The following ZC3H12B variants were observed in gnomAD, a reference collection of about 807,000 sequenced individuals.
ZC3H12B encodes the protein probable ribonuclease ZC3H12B.
A neutral mutation model predicts 43.9 loss-of-function variants in ZC3H12B; 7 were observed. The observed-to-expected ratio is 0.16, with a 90% CI of 0.09 to 0.30. The LOEUF is 0.30. Among genes scored for constraint, ZC3H12B ranks in the 10% least tolerant of loss-of-function variants. The pLI is 1.00. For missense variants in ZC3H12B, 475 were observed against 670.2 expected (o/e 0.71, Z 3.22); for synonymous variants, 222 against 241.7 (o/e 0.92, Z 0.76).
At chrX:65,109,028 A>G in the ZC3H12B span, among the ~76,000 whole-genome samples, 1 of 111,649 alleles carries the variant, frequency 9.0e-6, no homozygotes, top group Non-Finnish European at 1.9e-5. Flanking sequence ...TGAAACGTCC[A>G]GTTTTACCAT....
chrX:65,408,009 C>T, intron 3 of ZC3H12B: 1 of 1,069,862 alleles, frequency 9.3e-7, no homozygotes, highest in Non-Finnish European at 1.2e-6. Context: ...TAATTTTCCT[C>T]GGCGGGATTA....
chrX:65,138,160 C>A, the ZC3H12B span, among the ~76,000 whole-genome samples: 2 of 112,338 alleles, frequency 1.8e-5, no homozygotes, highest in Non-Finnish European at 3.8e-5. Context: ...CTATAGTCAC[C>A]AAGTTGTATA....
the ZC3H12B span, among the ~76,000 whole-genome samples, chrX:65,260,004 A>T: frequency 9.0e-6 from 1 of 111,597 alleles, no homozygotes; most frequent in Non-Finnish European, 1.9e-5. Flanking sequence ...TCTCACTCAT[A>T]TGTAGGCGTT....
At chrX:65,154,967 G>A in the ZC3H12B span, among the ~76,000 whole-genome samples, 1 of 102,163 alleles carries the variant, frequency 9.8e-6, no homozygotes, top group Non-Finnish European at 2.0e-5. Flanking sequence ...GTTTGCTAAG[G>A]TTTTTTTTTT....
chrX:65,048,626 T>A, the ZC3H12B span, among the ~76,000 whole-genome samples: 1 of 111,285 alleles, frequency 9.0e-6, no homozygotes, highest in African/African-American at 3.3e-5. Flanking sequence ...TATATAATGA[T>A]GTTATGAGGT....
At chrX:65,269,354 A>G in the ZC3H12B span, among the ~76,000 whole-genome samples, 1 of 108,397 alleles carries the variant, frequency 9.2e-6, no homozygotes, top group African/African-American at 3.4e-5. Flanking sequence ...AAAAACAAAA[A>G]CAAAACAAAA....
the ZC3H12B span, among the ~76,000 whole-genome samples, chrX:65,036,107 G>C: frequency 8.9e-6 from 1 of 111,873 alleles, no homozygotes; most frequent in Admixed American, 9.5e-5. Flanking sequence ...TGAGGCACCG[G>C]AAGTGATATT....
chrX:65,329,721 T>C, the ZC3H12B span, among the ~76,000 whole-genome samples: 3 of 111,496 alleles, frequency 2.7e-5, no homozygotes, highest in Middle Eastern at 4.6e-3. Context: ...TGAATTAATT[T>C]TTTTATAAGG....
At chrX:65,174,832 A>G in the ZC3H12B span, among the ~76,000 whole-genome samples, 1 of 111,359 alleles carries the variant, frequency 9.0e-6, no homozygotes, top group African/African-American at 3.3e-5. Flanking sequence ...GACCTGCTGA[A>G]TGAGACCACT....
At chrX:65,112,826 A>G in the ZC3H12B span, among the ~76,000 whole-genome samples, 8 of 111,950 alleles carry the variant, frequency 7.1e-5, no homozygotes, top group African/African-American at 1.9e-4. Context: ...ATGCTTGATA[A>G]CAGAATATCC....
intron 3 of ZC3H12B, among the ~76,000 whole-genome samples, chrX:65,453,923 G>C (rs2067562393): frequency 8.9e-6 from 1 of 111,879 alleles, no homozygotes; most frequent in African/African-American, 3.2e-5. Flanking sequence ...AGGAAAGGAT[G>C]GGAGGGGGGT....
chrX:65,411,674 C>T (rs190771295), intron 3 of ZC3H12B, among the ~76,000 whole-genome samples: 35 of 109,729 alleles, frequency 3.2e-4, no homozygotes, highest in African/African-American at 1.1e-3. Context: ...TGCAGTGAGC[C>T]GAGTTCATGC....
At chrX:65,318,774 G>C in the ZC3H12B span, among the ~76,000 whole-genome samples, 2 of 109,816 alleles carry the variant, frequency 1.8e-5, no homozygotes, top group Non-Finnish European at 3.8e-5. Flanking sequence ...CCCACTTTTT[G>C]TTGGGATTTT....
the ZC3H12B span, among the ~76,000 whole-genome samples, chrX:65,215,156 T>G: frequency 1.9e-4 from 21 of 112,281 alleles, no homozygotes; most frequent in Middle Eastern, 4.6e-3. Flanking sequence ...GGCATAATTC[T>G]TAATGGCTTT....
the ZC3H12B span, among the ~76,000 whole-genome samples, chrX:65,308,608 G>A: frequency 9.0e-6 from 1 of 111,341 alleles, no homozygotes; most frequent in Admixed American, 9.6e-5. Flanking sequence ...GGATATCCAG[G>A]ACTTGAACTC....
At chrX:65,357,244 A>C in the ZC3H12B span, 1 of 373,156 alleles carries the variant, frequency 2.7e-6, no homozygotes, top group South Asian at 3.2e-5. Context: ...GGCAGTTTGC[A>C]AAAAGACTCA....
At chrX:65,352,967 C>G in the ZC3H12B span, among the ~76,000 whole-genome samples, 1 of 111,064 alleles carries the variant, frequency 9.0e-6, no homozygotes, top group Non-Finnish European at 1.9e-5. Context: ...CCCACCTCAG[C>G]CTGCCAAGTA....
chrX:65,363,759 G>A (rs745355326), upstream of ZC3H12B, among the ~76,000 whole-genome samples: 9 of 111,829 alleles, frequency 8.0e-5, no homozygotes, highest in Non-Finnish European at 1.3e-4. Context: ...TCCATGCAGC[G>A]GCCGCTCCCG....
the ZC3H12B span, among the ~76,000 whole-genome samples, chrX:65,249,435 G>A: frequency 8.9e-6 from 1 of 112,193 alleles, no homozygotes; most frequent in Admixed American, 9.4e-5. Flanking sequence ...TTTTATACCA[G>A]TAACATGCTG....
Sources: gnomAD v4.1 joint callset for allele counts (sites outside exome capture counted in the v4.1 genomes callset) on GRCh38, gnomAD v4.1.1 for gene constraint, MANE v1.5 for transcripts, NCBI Gene and HGNC (gene_info 2026-07-23, HGNC 2026-07-21) for gene names.